Variants in MED12L observed in about 807,000 individuals in gnomAD.
The protein encoded by MED12L is mediator complex subunit 12L.
MED12L carries 60 observed loss-of-function variants against 281.3 expected under a neutral mutation model. The ratio of observed to expected loss-of-function variants is 0.21; its 90% CI spans 0.17 to 0.26. The LOEUF (loss-of-function observed/expected upper bound fraction) is 0.26. Ranked by LOEUF, MED12L falls within the 10% of genes least tolerant of loss-of-function variation. MED12L has a pLI of 1.00. For synonymous variants in MED12L, 974 were observed against 987.2 expected, an observed-to-expected ratio of 0.99 and a Z score of 0.25; for missense variants, 2,146 against 2,680.9, an observed-to-expected ratio of 0.80 and a Z score of 4.41.
chr3:151,162,903 G>T (rs75463646), intron 8 of MED12L, among the ~76,000 whole-genome samples: 1 of 152,138 alleles, frequency 6.6e-6, no homozygotes, highest in African/African-American at 2.4e-5. Context: ...CCCGTGTCTG[G>T]TTGGGGAGTA....
intron 16 of MED12L, chr3:151,248,733 A>T (rs1347958731): frequency 6.6e-6 from 1 of 152,202 alleles, no homozygotes; most frequent in Admixed American, 6.5e-5. Context: ...AAAGTCTTGC[A>T]TAGCCTATAA....
At chr3:151,220,838 T>A (rs774841813) in intron 16 of MED12L, among the ~76,000 whole-genome samples, 1 of 152,100 alleles carries the variant, frequency 6.6e-6, no homozygotes, top group Non-Finnish European at 1.5e-5. Flanking sequence ...GCCAGTAGAG[T>A]GGCACATTGC....
At chr3:151,228,977 A>G (rs1731077780) in intron 16 of MED12L, among the ~76,000 whole-genome samples, 1 of 152,236 alleles carries the variant, frequency 6.6e-6, no homozygotes, top group Non-Finnish European at 1.5e-5. Flanking sequence ...TCTGCAGATC[A>G]TGGGGCTGTT....
At chr3:151,202,016 A>G (rs886233046) in intron 16 of MED12L, among the ~76,000 whole-genome samples, 1 of 152,242 alleles carries the variant, frequency 6.6e-6, no homozygotes, top group African/African-American at 2.4e-5. Context: ...CTCTGTAGCT[A>G]GAACTGACGA....
At chr3:151,215,680 A>G (rs1022125966) in intron 16 of MED12L, among the ~76,000 whole-genome samples, 2 of 152,214 alleles carry the variant, frequency 1.3e-5, no homozygotes, top group African/African-American at 2.4e-5. Context: ...ATCGGAACAG[A>G]TGTTTACTGC....
At position 151,383,842 on chromosome 3, in the gene MED12L, C is replaced by T. The variant is rs200681940; in HGVS notation, c.4744C>T (p.Leu1582Phe). ...GTGGACTACAGACTGGGCCCTGCTA[C>T]TCCTTCAGATCATTACTTCAGGAAC... ...TQWTTDWALL[L>F]LQIITSGTVD... The change falls in exon 34 of 45, where the codon CTC becomes TTC. Residue 1582 changes from leucine (L) to phenylalanine (F), a missense_variant. This residue lies in a region of MED12L where 212 missense variants were observed against 340.8 expected (regional missense o/e 0.62). Transcript: ENST00000687756. 2.2e-5 allele frequency: 35 copies of T among 1,614,010 alleles called. No homozygotes were observed. In the East Asian group the frequency reaches 7.6e-4, roughly 35 times the overall value.
intron 41 of MED12L, 115 bp from the exon 42 acceptor site, chr3:151,413,024 A>C (rs545202979): frequency 2.5e-6 from 3 of 1,206,462 alleles, no homozygotes; most frequent in East Asian, 2.4e-5. Context: ...GAATTGTGCA[A>C]AGGATTATTG....
intron 16 of MED12L, chr3:151,214,294 T>C: frequency 1.2e-6 from 2 of 1,613,538 alleles, no homozygotes; most frequent in Non-Finnish European, 1.7e-6. Context: ...ATCTGGAGGC[T>C]GTGTGGAGGT....
chr3:151,136,926 G>A (rs1336076990), intron 5 of MED12L, among the ~76,000 whole-genome samples: 1 of 152,068 alleles, frequency 6.6e-6, no homozygotes, highest in African/African-American at 2.4e-5. Flanking sequence ...CACTTTGGGA[G>A]GCTAAGGTGG....
chr3:151,355,851 A>G, intron 18 of MED12L, 45 bp from the exon 19 acceptor site: 1 of 1,513,612 alleles, frequency 6.6e-7, no homozygotes. Context: ...GTAAAAGATT[A>G]TTTAGAATAT....
Position 151,432,811 on chromosome 3 carries a change from A to C in MED12L, c.*7A>C, listed in dbSNP as rs1020564876. 1 of 1,610,364 alleles carries C rather than the reference A, an allele frequency of 6.2e-7. No homozygotes were observed. The highest frequency in any genetic ancestry group is 8.5e-7 in the Non-Finnish European group (1 of 1,177,320). The stretch of plus-strand genomic sequence containing the variant: ...GCATCCTTCACACTTCTGAATCTGC[A>C]AGAGGAGAAGACATGACGTTTTATG... On this transcript the variant is annotated 3_prime_UTR_variant, in exon 45 of 45. Coordinates refer to ENST00000687756, the MANE Select transcript of MED12L (RefSeq NM_001393769.1).
intron 11 of MED12L, among the ~76,000 whole-genome samples, chr3:151,181,576 C>CTTTTTTTTTTTTTTT (rs57658133): frequency 2.1e-5 from 1 of 47,078 alleles, no homozygotes; most frequent in African/African-American, 7.1e-5. Flanking sequence ...AGCTCATTGT[C>CTTTTTTTTTTTTTTT]TTTTTTTTTT....
intron 39 of MED12L, among the ~76,000 whole-genome samples, chr3:151,403,026 C>CT (rs35870229): frequency 0.31 from 44,349 of 145,384 alleles, 7,256 homozygotes; most frequent in Non-Finnish European, 0.38. Context: ...TTTCTTTTTT[C>CT]TTTTTTTTTT....
chr3:151,169,244 A>G (rs1293426856), intron 11 of MED12L, among the ~76,000 whole-genome samples: 2 of 150,874 alleles, frequency 1.3e-5, no homozygotes, highest in Non-Finnish European at 3.0e-5. Context: ...CAGCCTTCCA[A>G]GTAGCTGGAA....
Position 151,271,353 on chromosome 3 carries a change from T to A in MED12L, c.2250+77687T>A, listed in dbSNP as rs62282990. On this transcript the variant is annotated intron_variant, in intron 16 of 44. Coordinates refer to ENST00000687756, the MANE Select transcript of MED12L (RefSeq NM_001393769.1). ...ATTAGAATGGAAAAAAACTTGACAA[T>A]GTTAAGAATTGACGAGGAAATAGAA... Among the ~76,000 whole-genome samples the A allele has an allele frequency of 6.1e-3, 926 of 152,282 alleles. 31 individuals are homozygous for A. In the East Asian group the frequency reaches 0.092, roughly 15 times the overall value.
At chr3:151,211,624 A>T (rs1026215527) in intron 16 of MED12L, among the ~76,000 whole-genome samples, 1 of 152,028 alleles carries the variant, frequency 6.6e-6, no homozygotes, top group African/African-American at 2.4e-5. Flanking sequence ...TAAAATATTG[A>T]TGAGGTTATA....
intron 16 of MED12L, among the ~76,000 whole-genome samples, chr3:151,341,169 A>C (rs920906573): frequency 2.0e-5 from 3 of 152,180 alleles, no homozygotes; most frequent in Non-Finnish European, 2.9e-5. Flanking sequence ...ATGTTAACTC[A>C]AAATGCGTGC....
intron 16 of MED12L, among the ~76,000 whole-genome samples, chr3:151,287,618 C>T (rs916489873): frequency 1.3e-5 from 2 of 152,124 alleles, no homozygotes; most frequent in Admixed American, 1.3e-4. Flanking sequence ...AAACCTGTCA[C>T]GATCACTTCA....
intron 3 of MED12L, among the ~76,000 whole-genome samples, chr3:151,120,563 A>T (rs998479081): frequency 6.6e-6 from 1 of 152,226 alleles, no homozygotes; most frequent in East Asian, 1.9e-4. Flanking sequence ...AGCTTTCTGT[A>T]TACAGATAAG....
Sources: allele counts gnomAD v4.1 joint callset (sites outside exome capture counted in the v4.1 genomes callset), GRCh38; gene constraint gnomAD v4.1.1; regional missense constraint gnomAD v4.1.1; transcripts MANE v1.5; gene names NCBI Gene and HGNC (gene_info 2026-07-23, HGNC 2026-07-21).